Variants in ADAMTS12 observed in about 807,000 individuals in gnomAD.
The protein encoded by ADAMTS12 is ADAM metallopeptidase with thrombospondin type 1 motif 12.
Under a neutral mutation model 167.8 loss-of-function variants are expected in ADAMTS12, and 118 were observed. That is an observed-to-expected ratio of 0.70 (90% CI 0.61 to 0.82). ADAMTS12 has a LOEUF of 0.82. Ranked by LOEUF, ADAMTS12 falls within the 40% of genes least tolerant of loss-of-function variation. ADAMTS12 has a pLI of 0.00. For missense variants in ADAMTS12, 1,916 were observed against 1,998.8 expected (o/e 0.96, Z 0.79); for synonymous variants, 704 against 716.9 (o/e 0.98, Z 0.29).
chr5:33,858,452 C>T (rs1433655827), intron 2 of ADAMTS12, among the ~76,000 whole-genome samples: 3 of 151,976 alleles, frequency 2.0e-5, no homozygotes, highest in Non-Finnish European at 4.4e-5. Flanking sequence ...AGCCCAAGAA[C>T]TCAAGACCAG....
intron 21 of ADAMTS12, among the ~76,000 whole-genome samples, chr5:33,548,782 T>C (rs968488296): frequency 2.6e-5 from 4 of 152,082 alleles, no homozygotes; most frequent in Non-Finnish European, 4.4e-5. Context: ...TCTAATATTA[T>C]ACTGTGTGGA....
chr5:33,718,728 G>A (rs1022887898), intron 3 of ADAMTS12, among the ~76,000 whole-genome samples: 6 of 152,088 alleles, frequency 3.9e-5, no homozygotes, highest in East Asian at 1.9e-4. Flanking sequence ...TCTGGGGGCC[G>A]CAAACTGGTC....
chr5:33,807,058 C>T (rs951997581), intron 2 of ADAMTS12, among the ~76,000 whole-genome samples: 17 of 152,018 alleles, frequency 1.1e-4, no homozygotes, highest in African/African-American at 3.6e-4. Flanking sequence ...CTACACACAG[C>T]GTACAAGGCC....
At chr5:33,655,859 C>T (rs1405446572) in intron 7 of ADAMTS12, among the ~76,000 whole-genome samples, 3 of 151,868 alleles carry the variant, frequency 2.0e-5, no homozygotes, top group Admixed American at 2.0e-4. Flanking sequence ...TCCCTGTGTT[C>T]ATGTGTTCTC....
intron 2 of ADAMTS12, among the ~76,000 whole-genome samples, chr5:33,825,912 A>C (rs930172700): frequency 3.9e-5 from 6 of 152,114 alleles, no homozygotes; most frequent in South Asian, 2.1e-4. Flanking sequence ...CCAAACTAGA[A>C]TCAAGTTTGG....
At chr5:33,601,106 A>AGTGTGT (rs55841502) in intron 16 of ADAMTS12, among the ~76,000 whole-genome samples, 32,759 of 145,694 alleles carry the variant, frequency 0.22, 3,741 homozygotes, top group Middle Eastern at 0.32. Context: ...CACATTTAAG[A>AGTGTGT]GTGTGTGTGT....
Position 33,614,338 on chromosome 5 carries a change from C to A in ADAMTS12, c.2427G>T (p.Glu809Asp). 1 of 1,614,116 alleles carries A rather than the reference C, an allele frequency of 6.2e-7. No individual in the cohort carries two copies. Among genetic ancestry groups the A allele is most frequent in the African/African-American group, 1.3e-5 (1 of 75,050 alleles). ...FQVTNPGIKY[E>D]YTIQKDGLDN... is the part of the protein sequence containing the mutation. ...CAAGGCCATCTTTCTGGATTGTGTA[C>A]TCATACTTGATGCCAGGGTTAGTCA... is the stretch of plus-strand genomic sequence containing the variant. Residue 809 changes from glutamate (E) to aspartate (D), a missense_variant, in exon 16 of 24, where the codon GAG becomes GAT. Glu to Asp is a conservative substitution (Grantham distance 45). Transcript: ENST00000504830.
chr5:33,734,641 C>T lies in ADAMTS12; in HGVS notation c.634+16763G>A, dbSNP rs142042516. ...TATCCTGATTGCCCCAAATGATTCA[C>T]GAATAAAGTATGAGTACTTATGCTC... is the stretch of plus-strand genomic sequence containing the variant. On this transcript the variant is annotated intron_variant, in intron 3 of 23. Coordinates refer to ENST00000504830, the MANE Select transcript of ADAMTS12 (RefSeq NM_030955.4). Among the ~76,000 whole-genome samples, 716 of 152,280 alleles carry T rather than the reference C, an allele frequency of 4.7e-3. 5 individuals are homozygous for T. Among genetic ancestry groups the T allele is most frequent in the African/African-American group, 0.016 (685 of 41,552 alleles).
At chr5:33,580,865 A>G (rs1275793182) in intron 18 of ADAMTS12, among the ~76,000 whole-genome samples, 7 of 152,316 alleles carry the variant, frequency 4.6e-5, no homozygotes, top group African/African-American at 1.7e-4. Context: ...CCAAAACCTG[A>G]TTAATGAAGA....
chr5:33,867,773 T>A (rs1416670844), intron 2 of ADAMTS12, among the ~76,000 whole-genome samples: 1 of 152,240 alleles, frequency 6.6e-6, no homozygotes, highest in Non-Finnish European at 1.5e-5. Context: ...AGAATTTTTT[T>A]ATCTGCTTGT....
chr5:33,866,618 C>T (rs1215779342), intron 2 of ADAMTS12, among the ~76,000 whole-genome samples: 1 of 151,954 alleles, frequency 6.6e-6, no homozygotes, highest in African/African-American at 2.4e-5. Context: ...AATTAAATGG[C>T]TTCTGCATAG....
rs191203539 is a variant in ADAMTS12, at chr5:33,861,804, C to T, written c.489+19315G>A. Among the ~76,000 whole-genome samples, 84 of 152,050 alleles carry T rather than the reference C, an allele frequency of 5.5e-4. No individual in the cohort carries two copies. The East Asian group carries it at 0.011, about 19-fold the overall frequency. On this transcript the variant is annotated intron_variant, in intron 2 of 23. Transcript: ENST00000504830. ...TAAAACACTCCTCAGCAAATGCAAA[C>T]GAACAGAAATCATAACAAACAGACT...
intron 3 of ADAMTS12, among the ~76,000 whole-genome samples, chr5:33,719,627 G>A (rs976461697): frequency 6.6e-6 from 1 of 152,200 alleles, no homozygotes; most frequent in Non-Finnish European, 1.5e-5. Context: ...TCTTAAGGGG[G>A]TTCATCCTGC....
chr5:33,576,827 A>C lies in ADAMTS12; in HGVS notation c.3199T>G (p.Trp1067Gly), dbSNP rs748731563. Residue 1067 changes from tryptophan (W) to glycine (G), a missense_variant, in exon 19 of 24, where the codon TGG becomes GGG. By Grantham distance (184) the Trp-to-Gly change is radical. Transcript: ENST00000504830. ...SKEGDLGGKQ[W>G]QDSSTQPELS... ...TCAGGTTGGGTTGAGCTATCTTGCC[A>C]CTGTTTCCCACCCAGGTCTCCTTCT... 2 of 1,614,148 alleles carry C rather than the reference A, an allele frequency of 1.2e-6. No individual in the cohort carries two copies.
chr5:33,836,915 A>ATTT (rs957214113), intron 2 of ADAMTS12, among the ~76,000 whole-genome samples: 1 of 145,422 alleles, frequency 6.9e-6, no homozygotes, highest in African/African-American at 2.6e-5. Context: ...TGGCTTTAAA[A>ATTT]TTTTTTTTTT....
At chr5:33,654,668 T>C (rs1042531918) in intron 7 of ADAMTS12, among the ~76,000 whole-genome samples, 2 of 152,228 alleles carry the variant, frequency 1.3e-5, no homozygotes, top group Non-Finnish European at 2.9e-5. Flanking sequence ...CAAGTAGTGG[T>C]GTTTGATGCT....
intron 2 of ADAMTS12, among the ~76,000 whole-genome samples, chr5:33,762,581 G>C (rs1174665033): frequency 6.6e-6 from 1 of 151,964 alleles, no homozygotes; most frequent in Admixed American, 6.6e-5. Flanking sequence ...AATAACCCAC[G>C]TACAGAGAAA....
rs142779481 is a variant in ADAMTS12, at chr5:33,589,391, C to T, written c.2655-582G>A. 4.1e-3 allele frequency among the ~76,000 whole-genome samples: 629 copies of T among 152,208 alleles called. 7 individuals carry two copies. Among genetic ancestry groups the T allele is most frequent in the African/African-American group, 0.014 (587 of 41,522 alleles). On this transcript the variant is annotated intron_variant, in intron 17 of 23. Transcript: ENST00000504830. ...ATAAATTTTTAAATTATTTAGGAGGCGATCAATCAGGGATATTGCCTTTAT... is the reference window on the plus strand; with the variant it reads ...ATAAATTTTTAAATTATTTAGGAGGTGATCAATCAGGGATATTGCCTTTAT...
At chr5:33,529,331 T>A (rs867782870) in intron 23 of ADAMTS12, among the ~76,000 whole-genome samples, 1 of 152,202 alleles carries the variant, frequency 6.6e-6, no homozygotes, top group African/African-American at 2.4e-5. Context: ...CACACATTTG[T>A]ACGGGTGGTT....
Sources: allele counts gnomAD v4.1 joint callset (sites outside exome capture counted in the v4.1 genomes callset), GRCh38; gene constraint gnomAD v4.1.1; transcripts MANE v1.5; gene names NCBI Gene and HGNC (gene_info 2026-07-23, HGNC 2026-07-21).